Variants in PYROXD2 observed in about 807,000 individuals in gnomAD.
The protein encoded by PYROXD2 is pyridine nucleotide-disulfide oxidoreductase domain-containing protein 2.
A neutral mutation model predicts 71.1 loss-of-function variants in PYROXD2; 69 were observed. The ratio of observed to expected loss-of-function variants is 0.97; its 90% CI spans 0.80 to 1.19. The LOEUF is 1.19. Ranked by LOEUF, PYROXD2 falls within the 50% of genes most tolerant of loss-of-function variation. The pLI is 0.00. For missense variants in PYROXD2, 745 were observed against 748.9 expected (o/e 0.99, Z 0.06); for synonymous variants, 287 against 302.7 (o/e 0.95, Z 0.54).
At chr10:98,394,425 C>T (rs1343149560) in intron 8 of PYROXD2, among the ~76,000 whole-genome samples, 3 of 152,126 alleles carry the variant, frequency 2.0e-5, no homozygotes, top group African/African-American at 4.8e-5. Flanking sequence ...AAACCACTTC[C>T]GAGGGTGTGC....
chr10:98,385,596 CAG>C (rs992216977), intron 14 of PYROXD2, among the ~76,000 whole-genome samples: 5 of 152,216 alleles, frequency 3.3e-5, no homozygotes, highest in Admixed American at 3.3e-4. Flanking sequence ...AGGTCAGACT[CAG>C]GGGGCAGGTC....
intron 6 of PYROXD2, 45 bp from the exon 7 acceptor site, chr10:98,395,497 G>T (rs1225247661): frequency 6.4e-7 from 1 of 1,564,790 alleles, no homozygotes. Flanking sequence ...CAGGTGACAG[G>T]GAAACCCTCC....
At chr10:98,384,175 G>T (rs1195466477) in intron 15 of PYROXD2, among the ~76,000 whole-genome samples, 3 of 151,884 alleles carry the variant, frequency 2.0e-5, no homozygotes. Flanking sequence ...GGGCTGGGGG[G>T]AGGGGGAAGA....
intron 2 of PYROXD2, 63 bp downstream of exon 2, chr10:98,410,876 C>A: frequency 1.3e-6 from 2 of 1,553,266 alleles, no homozygotes; most frequent in East Asian, 4.8e-5. Flanking sequence ...ACACTCCTTC[C>A]CAGGCTGCTG....
At chr10:98,389,439 A>G (rs1842872236) in intron 12 of PYROXD2, among the ~76,000 whole-genome samples, 1 of 151,862 alleles carries the variant, frequency 6.6e-6, no homozygotes, top group Non-Finnish European at 1.5e-5. Context: ...TACAGTGTCC[A>G]GGTTGGTCTT....
intron 4 of PYROXD2, among the ~76,000 whole-genome samples, chr10:98,403,136 G>A (rs1193986776): frequency 6.6e-6 from 1 of 152,232 alleles, no homozygotes; most frequent in Non-Finnish European, 1.5e-5. Context: ...GGCGGGGGCC[G>A]GGGCCAGGAG....
Position 98,393,006 on chromosome 10 carries a change from C to A in PYROXD2, c.863G>T (p.Gly288Val). 1.2e-6 allele frequency: 2 copies of A among 1,612,530 alleles called. No individual in the cohort carries two copies. Among genetic ancestry groups the A allele is most frequent in the Non-Finnish European group, 1.7e-6 (2 of 1,178,684 alleles). The change falls in exon 9 of 16, where the codon GGT (glycine) becomes GTT (valine). Residue 288 changes from glycine (G) to valine (V), a missense_variant. Transcript: ENST00000370575. Reference sequence around the variant, plus strand: ...GCTTGCGATCGCATCAGAGAGGGCACCCATGCCCCCCTGGACGTAGCCCCA... The same window carrying A: ...GCTTGCGATCGCATCAGAGAGGGCAACCATGCCCCCCTGGACGTAGCCCCA... ...GAWGYVQGGM[G>V]ALSDAIASSA...
chr10:98,388,221 C>T, intron 13 of PYROXD2, 133 bp downstream of exon 13: 1 of 859,256 alleles, frequency 1.2e-6, no homozygotes, highest in Non-Finnish European at 1.8e-6. Flanking sequence ...ACTTGAGGTT[C>T]CCTTGACTAT....
At chr10:98,388,041 C>G in intron 13 of PYROXD2, 1 of 309,530 alleles carries the variant, frequency 3.2e-6, no homozygotes, top group South Asian at 3.2e-5. Flanking sequence ...CCTTCCTTGT[C>G]TCTCTGGCTC....
chr10:98,414,940 CCCA>C, intron 1 of PYROXD2, 66 bp downstream of exon 1: 1 of 1,561,144 alleles, frequency 6.4e-7, no homozygotes, highest in Non-Finnish European at 8.7e-7. Context: ...CCTCCCCCTC[CCCA>C]CCAAGCTCTG....
chr10:98,392,617 G>A (rs1564796472), intron 9 of PYROXD2, 51 bp from the exon 10 acceptor site: 2 of 1,597,630 alleles, frequency 1.3e-6, no homozygotes, highest in East Asian at 4.5e-5. Context: ...GGAAATCCAT[G>A]TTAGATCTTC....
intron 9 of PYROXD2, 97 bp from the exon 10 acceptor site, chr10:98,392,663 C>A: frequency 6.5e-7 from 1 of 1,538,752 alleles, no homozygotes. Flanking sequence ...CCTAGGCATT[C>A]ACAACTTCTT....
At chr10:98,392,775 G>T (rs188215241) in intron 9 of PYROXD2, among the ~76,000 whole-genome samples, 167 bp downstream of exon 9, 191 of 152,252 alleles carry the variant, frequency 1.3e-3, no homozygotes, top group African/African-American at 4.4e-3. Flanking sequence ...ATTCCAAGGG[G>T]GTGGTTAGCC....
At chr10:98,405,707 G>C (rs927239427) in intron 4 of PYROXD2, among the ~76,000 whole-genome samples, 1 of 152,186 alleles carries the variant, frequency 6.6e-6, no homozygotes, top group Non-Finnish European at 1.5e-5. Context: ...AGCTGCCAGG[G>C]GCACTCTATC....
intron 4 of PYROXD2, among the ~76,000 whole-genome samples, chr10:98,403,029 C>G (rs890749708): frequency 6.6e-6 from 1 of 152,192 alleles, no homozygotes; most frequent in Non-Finnish European, 1.5e-5. Context: ...ACAGGCTTTT[C>G]CAACAATTAC....
intron 3 of PYROXD2, 26 bp downstream of exon 3, chr10:98,407,878 C>T: frequency 6.3e-7 from 1 of 1,579,326 alleles, no homozygotes; most frequent in Non-Finnish European, 8.6e-7. Context: ...CTGCCCTCCA[C>T]TCCCCCATGC....
At chr10:98,388,672 G>A (rs1369813577) in intron 12 of PYROXD2, among the ~76,000 whole-genome samples, 164 bp from the exon 13 acceptor site, 1 of 151,682 alleles carries the variant, frequency 6.6e-6, no homozygotes, top group Admixed American at 6.6e-5. Flanking sequence ...CTTAGCGGCT[G>A]CTAGCGTGGT....
intron 6 of PYROXD2, among the ~76,000 whole-genome samples, chr10:98,396,892 G>C (rs1300432211): frequency 6.6e-6 from 1 of 152,126 alleles, no homozygotes; most frequent in Non-Finnish European, 1.5e-5. Flanking sequence ...GGCAACCCTT[G>C]GCCAATGGGA....
Position 98,392,399 on chromosome 10 carries a change from A to G in PYROXD2, c.1062+33T>C, listed in dbSNP as rs774130864. 9 of 1,607,838 alleles carry G rather than the reference A, an allele frequency of 5.6e-6. No individual in the cohort carries two copies. The South Asian group carries it at 8.8e-5, about 16-fold the overall frequency. On this transcript the variant is annotated intron_variant, in intron 10 of 15. Transcript: ENST00000370575. ...ATTTCTAACCCCTGTTTTGGCAGAC[A>G]TCTAAGCTCCACCCTCCTGCCCACA...
Sources: gnomAD v4.1 joint callset for allele counts (sites outside exome capture counted in the v4.1 genomes callset) on GRCh38, gnomAD v4.1.1 for gene constraint, MANE v1.5 for transcripts, NCBI Gene and HGNC (gene_info 2026-07-23, HGNC 2026-07-21) for gene names.